The following NBDY variants were observed in gnomAD, a reference collection of about 807,000 sequenced individuals.
NBDY encodes the protein negative regulator of P-body association.
chrX:56,813,571 C>G (rs1285987070), intron 2 of NBDY, among the ~76,000 whole-genome samples: 1 of 111,464 alleles, frequency 9.0e-6, no homozygotes, highest in Non-Finnish European at 1.9e-5. Flanking sequence ...GACACGGGCA[C>G]AAGGGTGTGG....
At chrX:56,763,386 T>C (rs887358549) in intron 2 of NBDY, among the ~76,000 whole-genome samples, 1 of 111,751 alleles carries the variant, frequency 8.9e-6, no homozygotes, top group African/African-American at 3.3e-5. Flanking sequence ...AGTTGCTGAG[T>C]GTCCTCTCTG....
intron 2 of NBDY, among the ~76,000 whole-genome samples, chrX:56,738,611 G>T (rs768709253): frequency 8.9e-6 from 1 of 111,784 alleles, no homozygotes; most frequent in East Asian, 2.8e-4. Context: ...ACAACACACA[G>T]AACTCAGGGA....
At chrX:56,781,309 C>G (rs1306665478) in intron 2 of NBDY, among the ~76,000 whole-genome samples, 1 of 111,869 alleles carries the variant, frequency 8.9e-6, no homozygotes, top group Non-Finnish European at 1.9e-5. Context: ...CACGTTCCCT[C>G]CTGTTCATTT....
rs970955074 is a variant in NBDY, at chrX:56,731,346, G to A, written c.*30-717G>A. 8.6e-5 allele frequency among the ~76,000 whole-genome samples: 9 copies of A among 105,072 alleles called. No individual in the cohort carries two copies. In the East Asian group the frequency reaches 2.1e-3, roughly 25 times the overall value. 91.2% of individuals were successfully genotyped at this position (105,072 alleles called of 115,157 possible). ...CGCTGAGGTGGGCAGATCACCTAAG[G>A]TCAGGAGTTCGAGACCAGCCTGGCC... On this transcript the variant is annotated intron_variant, in intron 1 of 2. Coordinates refer to ENST00000374922, the MANE Select transcript of NBDY (RefSeq NM_001348129.2).
intron 2 of NBDY, among the ~76,000 whole-genome samples, chrX:56,759,810 C>T (rs2146722255): frequency 8.9e-6 from 1 of 111,959 alleles, no homozygotes; most frequent in South Asian, 3.7e-4. Flanking sequence ...CAGGCAGGGG[C>T]ACCCCACCAT....
At chrX:56,793,955 A>T (rs1013021628) in intron 2 of NBDY, among the ~76,000 whole-genome samples, 18 of 111,954 alleles carry the variant, frequency 1.6e-4, no homozygotes, top group African/African-American at 5.9e-4. Flanking sequence ...CCCCAAGGGC[A>T]CCTCGGAGCT....
At chrX:56,793,322 C>G (rs1272217308) in intron 2 of NBDY, among the ~76,000 whole-genome samples, 2 of 111,911 alleles carry the variant, frequency 1.8e-5, no homozygotes, top group African/African-American at 6.5e-5. Flanking sequence ...ACTTTCTGCA[C>G]TGGTGGGAGC....
intron 2 of NBDY, among the ~76,000 whole-genome samples, chrX:56,801,977 GACACAC>G (rs5902560): frequency 1.4e-3 from 143 of 99,616 alleles, no homozygotes; most frequent in African/African-American, 3.7e-3. Context: ...CAAACTCATA[GACACAC>G]ACACACACAC....
At chrX:56,783,381 G>A (rs1354545186) in intron 2 of NBDY, among the ~76,000 whole-genome samples, 2 of 113,093 alleles carry the variant, frequency 1.8e-5, no homozygotes, top group Non-Finnish European at 3.7e-5. Flanking sequence ...CCAGCCAAGG[G>A]CATCCCAGAA....
intron 2 of NBDY, among the ~76,000 whole-genome samples, chrX:56,783,433 G>T (rs1216168472): frequency 8.9e-6 from 1 of 112,826 alleles, no homozygotes; most frequent in African/African-American, 3.2e-5. Flanking sequence ...CCATTTTCTG[G>T]CTGTCAGTGG....
chrX:56,745,154 T>C (rs1348825777), intron 2 of NBDY, among the ~76,000 whole-genome samples: 2 of 111,557 alleles, frequency 1.8e-5, no homozygotes, highest in African/African-American at 6.5e-5. Context: ...AAGTGACTGA[T>C]GGGCGGGTAA....
chrX:56,765,691 C>T (rs773646793), intron 2 of NBDY, among the ~76,000 whole-genome samples: 1 of 110,263 alleles, frequency 9.1e-6, no homozygotes, highest in African/African-American at 3.3e-5. Context: ...AATTCTTCTC[C>T]TTCTCCTCCT....
chrX:56,764,931 G>A (rs762193714), intron 2 of NBDY, among the ~76,000 whole-genome samples: 1 of 112,105 alleles, frequency 8.9e-6, no homozygotes, highest in East Asian at 2.8e-4. Flanking sequence ...CTCTTCCTCT[G>A]TGAGGCCACA....
intron 2 of NBDY, among the ~76,000 whole-genome samples, chrX:56,789,719 A>G (rs777980647): frequency 1.2e-4 from 13 of 110,904 alleles, no homozygotes; most frequent in African/African-American, 4.3e-4. Flanking sequence ...CAGGGGTTGG[A>G]GGGATTTTCC....
intron 2 of NBDY, among the ~76,000 whole-genome samples, chrX:56,761,800 G>A (rs767470010): frequency 1.8e-5 from 2 of 112,188 alleles, no homozygotes; most frequent in South Asian, 3.7e-4. Context: ...AGATGTAATC[G>A]GGGTGCCCCT....
intron 2 of NBDY, among the ~76,000 whole-genome samples, chrX:56,793,005 G>A (rs893457259): frequency 3.6e-5 from 4 of 111,469 alleles, no homozygotes; most frequent in Admixed American, 1.9e-4. Context: ...GCCTTCCTCA[G>A]CCTCCCTGAG....
chrX:56,788,776 G>A (rs750778962), intron 2 of NBDY, among the ~76,000 whole-genome samples: 13 of 112,610 alleles, frequency 1.2e-4, no homozygotes, highest in Admixed American at 2.8e-4. Context: ...TCTCAAAATG[G>A]CTGGGGGGCA....
intron 2 of NBDY, among the ~76,000 whole-genome samples, chrX:56,746,902 A>G (rs2069560780): frequency 8.9e-6 from 1 of 112,132 alleles, no homozygotes; most frequent in Non-Finnish European, 1.9e-5. Context: ...GCTTTTAAAG[A>G]TATATGCAAT....
At chrX:56,812,333 G>A (rs1268253993) in intron 2 of NBDY, among the ~76,000 whole-genome samples, 1 of 110,084 alleles carries the variant, frequency 9.1e-6, no homozygotes, top group Non-Finnish European at 1.9e-5. Flanking sequence ...AAATTAGATG[G>A]ATCCTGGCTG....
Sources: gnomAD v4.1 joint callset for allele counts (sites outside exome capture counted in the v4.1 genomes callset) on GRCh38, gnomAD v4.1.1 for gene constraint, MANE v1.5 for transcripts, NCBI Gene and HGNC (gene_info 2026-07-23, HGNC 2026-07-21) for gene names.